Variants in CEP162 observed in about 807,000 individuals in gnomAD.
CEP162 encodes the protein centrosomal protein 162.
Under a neutral mutation model 169.2 loss-of-function variants are expected in CEP162, and 141 were observed. That is an observed-to-expected ratio of 0.83 (90% CI 0.73 to 0.96). The LOEUF (loss-of-function observed/expected upper bound fraction) is 0.96, where lower values mean the gene tolerates loss of function less well. CEP162 is among the 40% of genes least tolerant of loss of function. CEP162 has a pLI of 0.00. For synonymous variants in CEP162, 540 were observed against 526.4 expected (o/e 1.03, Z -0.35); for missense variants, 1,600 against 1,587.2 (o/e 1.01, Z -0.14).
At chr6:84,179,096 T>C (rs1461898684) in intron 13 of CEP162, among the ~76,000 whole-genome samples, 8 of 152,228 alleles carry the variant, frequency 5.3e-5, no homozygotes, top group East Asian at 1.9e-4. Context: ...GTTTTTGCTA[T>C]TGTGAATAGT....
intron 9 of CEP162, among the ~76,000 whole-genome samples, chr6:84,196,452 C>T (rs1362968928): frequency 6.6e-6 from 1 of 152,064 alleles, no homozygotes; most frequent in Non-Finnish European, 1.5e-5. Context: ...ACTAATATAC[C>T]TTCTCTTTCC....
chr6:84,129,139 C>A (rs546660532), intron 25 of CEP162, among the ~76,000 whole-genome samples: 1 of 152,124 alleles, frequency 6.6e-6, no homozygotes, highest in African/African-American at 2.4e-5. Flanking sequence ...GTGAATAGTG[C>A]CACAATAAAC....
intron 16 of CEP162, among the ~76,000 whole-genome samples, chr6:84,172,671 T>C (rs1250925952): frequency 6.6e-6 from 1 of 152,170 alleles, no homozygotes; most frequent in Non-Finnish European, 1.5e-5. Context: ...TTTGAATGGT[T>C]CCCAGTAACT....
intron 7 of CEP162, among the ~76,000 whole-genome samples, chr6:84,203,427 A>G (rs2099545455): frequency 6.6e-6 from 1 of 152,210 alleles, no homozygotes; most frequent in Non-Finnish European, 1.5e-5. Context: ...ACTTAAGCTT[A>G]ACTTATTTGC....
chr6:84,190,092 GA>G (rs1225324778), intron 11 of CEP162, among the ~76,000 whole-genome samples: 1 of 152,064 alleles, frequency 6.6e-6, no homozygotes, highest in Non-Finnish European at 1.5e-5. Context: ...AGGACGTGGA[GA>G]GTCTTTATAT....
At chr6:84,191,230 T>C (rs1479144381) in intron 11 of CEP162, among the ~76,000 whole-genome samples, 1 of 151,542 alleles carries the variant, frequency 6.6e-6, no homozygotes, top group Non-Finnish European at 1.5e-5. Flanking sequence ...GGAAGTGGAT[T>C]GAGAAGGGAG....
intron 21 of CEP162, 39 bp from the exon 22 acceptor site, chr6:84,155,549 T>A: frequency 7.4e-7 from 1 of 1,348,306 alleles, no homozygotes; most frequent in Non-Finnish European, 1.0e-6. Context: ...CACTTAGATT[T>A]AATAAATGAA....
rs570765043 is a variant in CEP162 at position 84,194,798 on chromosome 6, C to T, written c.1027+86G>A. The T allele has an allele frequency of 2.0e-4, 213 of 1,079,204 alleles. 2 individuals carry two copies. In the South Asian group the frequency reaches 2.9e-3, roughly 15 times the overall value. The allele number at this position is 1,079,204 out of a possible 1,614,324, so 66.9% of individuals were successfully genotyped here. ...CTCAGAGACTGAGAAACAATCACTACAGCAAATTGTATTTTAATTATATTA... is the reference window on the plus strand; with the variant it reads ...CTCAGAGACTGAGAAACAATCACTATAGCAAATTGTATTTTAATTATATTA... On this transcript the variant is annotated intron_variant, in intron 10 of 26. Coordinates refer to ENST00000403245, the MANE Select transcript of CEP162 (RefSeq NM_014895.4).
At chr6:84,139,316 T>C (rs1256857506) in intron 25 of CEP162, among the ~76,000 whole-genome samples, 2 of 152,220 alleles carry the variant, frequency 1.3e-5, no homozygotes, top group African/African-American at 4.8e-5. Flanking sequence ...GTCCTTTCTT[T>C]ATCTACAAAT....
chr6:84,128,778 G>C (rs370234669), intron 25 of CEP162, among the ~76,000 whole-genome samples: 1 of 151,936 alleles, frequency 6.6e-6, no homozygotes, highest in East Asian at 1.9e-4. Flanking sequence ...GTGCCATGAT[G>C]GTTTGCTGCA....
At chr6:84,160,539 C>T (rs2099525332) in intron 21 of CEP162, among the ~76,000 whole-genome samples, 1 of 152,170 alleles carries the variant, frequency 6.6e-6, no homozygotes, top group South Asian at 2.1e-4. Flanking sequence ...CAAAATTCTA[C>T]TTCCTTCTTC....
At chr6:84,173,787 G>A (rs1024132239) in intron 16 of CEP162, among the ~76,000 whole-genome samples, 1 of 150,750 alleles carries the variant, frequency 6.6e-6, no homozygotes, top group Non-Finnish European at 1.5e-5. Flanking sequence ...AGGTTCAAGC[G>A]ATTCTCTTGC....
At chr6:84,141,545 C>T (rs1254673505) in intron 25 of CEP162, among the ~76,000 whole-genome samples, 2 of 152,152 alleles carry the variant, frequency 1.3e-5, no homozygotes, top group Non-Finnish European at 2.9e-5. Flanking sequence ...CAGTCTCAAC[C>T]TCTGAACAAA....
At chr6:84,127,571 T>C (rs891522990) in intron 25 of CEP162, among the ~76,000 whole-genome samples, 4 of 152,160 alleles carry the variant, frequency 2.6e-5, no homozygotes, top group African/African-American at 9.7e-5. Context: ...ATAATGATTA[T>C]TAAAATTATT....
At chr6:84,169,243 AT>A (rs1370836748) in intron 18 of CEP162, 84 bp downstream of exon 18, 5 of 763,300 alleles carry the variant, frequency 6.6e-6, no homozygotes, top group African/African-American at 1.8e-5. Flanking sequence ...TTTCTATGTA[AT>A]TTTTTAATAA....
At position 84,155,377 on chromosome 6, in the gene CEP162, A is replaced by G. The variant is rs2099522771; in HGVS notation, c.2915T>C (p.Leu972Pro). Residue 972 changes from leucine (L) to proline (P), a missense_variant, in exon 22 of 27, where the codon CTA becomes CCA. Physicochemically the swap from Leu to Pro is moderately conservative, Grantham distance 98. Coordinates refer to ENST00000403245, the MANE Select transcript of CEP162 (RefSeq NM_014895.4). ...ATCTTTGCCCTCCAGATCAGCTTCT[A>G]GCTTTTTTATCCTTTTCTCCATAAA... The part of the protein sequence containing the change: ...VEFMEKRIKK[L>P]EADLEGKDED... The G allele has an allele frequency of 1.2e-6, 2 of 1,613,610 alleles. No homozygotes were observed. Among genetic ancestry groups the G allele is most frequent in the South Asian group, 2.2e-5 (2 of 91,076 alleles).
intron 13 of CEP162, among the ~76,000 whole-genome samples, chr6:84,176,015 T>C (rs965911834): frequency 4.6e-5 from 7 of 152,124 alleles, no homozygotes; most frequent in African/African-American, 1.7e-4. Context: ...CTAAGGCTAA[T>C]ATAGTATTCA....
chr6:84,217,185 A>G (rs551853239), intron 3 of CEP162, among the ~76,000 whole-genome samples: 2 of 152,222 alleles, frequency 1.3e-5, no homozygotes, highest in South Asian at 4.1e-4. Flanking sequence ...ATAAAAAAAA[A>G]CAAAAATCCC....
In CEP162 at chr6:84,153,190, G is replaced by A. The variant is rs752453139; in HGVS notation, c.2995-11C>T. The A allele has an allele frequency of 5.7e-6, 9 of 1,584,726 alleles. No homozygotes were observed. In the South Asian group the frequency reaches 7.0e-5, roughly 12 times the overall value. On this transcript the variant is annotated splice_polypyrimidine_tract_variant and intron_variant, in intron 22 of 26. Coordinates refer to ENST00000403245, the MANE Select transcript of CEP162 (RefSeq NM_014895.4). ...TTGTTCATACTGAATCTGAAGGAAA[G>A]AATCCATGTAATGCCAAACACCTGT...
Sources: gnomAD v4.1 joint callset for allele counts (sites outside exome capture counted in the v4.1 genomes callset) on GRCh38, gnomAD v4.1.1 for gene constraint, MANE v1.5 for transcripts, NCBI Gene and HGNC (gene_info 2026-07-23, HGNC 2026-07-21) for gene names.